The following ACVR1 variants were observed in gnomAD, a reference collection of about 807,000 sequenced individuals.
ACVR1 encodes activin receptor type-1.
ACVR1 carries 38 observed loss-of-function variants against 57.1 expected under a neutral mutation model. The observed-to-expected ratio is 0.67, with a 90% confidence interval of 0.51 to 0.87. ACVR1 has a LOEUF of 0.87. Among genes scored for constraint, ACVR1 ranks in the 40% least tolerant of loss-of-function variants. The pLI, the probability that ACVR1 is intolerant of heterozygous loss-of-function variation, is 0.00. For synonymous variants in ACVR1, 212 were observed against 228.1 expected (o/e 0.93, Z 0.63); for missense variants, 463 against 638.2 (o/e 0.73, Z 2.96).
intron 1 of ACVR1, among the ~76,000 whole-genome samples, chr2:157,870,473 C>T (rs756375812): frequency 6.6e-6 from 1 of 152,166 alleles, no homozygotes; most frequent in Non-Finnish European, 1.5e-5. Flanking sequence ...AAAAATCTCT[C>T]AAAAGAGGAG....
rs747858347 is a variant in ACVR1 at position 157,778,203 on chromosome 2, G to A, written c.471C>T (p.Leu157=). The A allele has an allele frequency of 3.7e-5, 59 of 1,614,094 alleles. No individual in the cohort carries two copies. The highest frequency in any genetic ancestry group is 4.9e-5 in the Non-Finnish European group (58 of 1,179,998). The stretch of plus-strand genomic sequence containing the variant: ...TGCCATACTCCACGTCTCGGGGATT[G>A]AGGCGTTCTTGGTTGCGCCTTTTAA... ...RKFKRRNQER[L]NPRDVEYGTI... The change falls in exon 5 of 11, where the codon CTC becomes CTT. Residue 157 remains leucine (L), a synonymous_variant. Coordinates refer to ENST00000434821, the MANE Select transcript of ACVR1 (RefSeq NM_001111067.4).
chr2:157,863,084 C>T (rs1218994967), intron 1 of ACVR1, among the ~76,000 whole-genome samples: 10 of 125,036 alleles, frequency 8.0e-5, no homozygotes, highest in Admixed American at 9.8e-5. Context: ...TGCGGTGGTG[C>T]GATCTCGGCT....
chr2:157,781,055 C>T (rs1054196585), intron 3 of ACVR1, among the ~76,000 whole-genome samples: 2 of 152,164 alleles, frequency 1.3e-5, no homozygotes, highest in African/African-American at 4.8e-5. Context: ...TTTTTGCTAG[C>T]TCTGTACAAA....
intron 9 of ACVR1, among the ~76,000 whole-genome samples, chr2:157,760,097 A>G (rs529123257): frequency 6.6e-6 from 1 of 152,334 alleles, no homozygotes; most frequent in South Asian, 2.1e-4. Context: ...TCCTAGGCAG[A>G]GCAATCAAGC....
chr2:157,844,053 A>T (rs532277547), intron 1 of ACVR1, among the ~76,000 whole-genome samples: 13 of 152,256 alleles, frequency 8.5e-5, no homozygotes, highest in Non-Finnish European at 1.9e-4. Context: ...TTCAAAGAGC[A>T]GCTGTGCTTA....
chr2:157,854,481 G>C (rs1689437891), intron 1 of ACVR1, among the ~76,000 whole-genome samples: 1 of 152,168 alleles, frequency 6.6e-6, no homozygotes, highest in Non-Finnish European at 1.5e-5. Context: ...CCAGCCCTTT[G>C]GGAGGCCGAG....
rs186913374 is a variant in ACVR1 at position 157,760,549 on chromosome 2, A to T, written c.1264+331T>A. ...ACTACATATTACATACATTTATCAA[A>T]ATATCACATGTACCCCATAAACGCA... is the stretch of plus-strand genomic sequence containing the variant. On this transcript the variant is annotated intron_variant, in intron 9 of 10. Coordinates refer to ENST00000434821, the MANE Select transcript of ACVR1 (RefSeq NM_001111067.4). Among the ~76,000 whole-genome samples, 3 of 152,222 alleles carry T rather than the reference A, an allele frequency of 2.0e-5. No individual in the cohort carries two copies. In the East Asian group the frequency reaches 5.8e-4, roughly 29 times the overall value.
At chr2:157,765,538 GTA>G (rs1395210979) in intron 8 of ACVR1, among the ~76,000 whole-genome samples, 1 of 152,018 alleles carries the variant, frequency 6.6e-6, no homozygotes, top group Non-Finnish European at 1.5e-5. Context: ...CTTAAGATTT[GTA>G]TATCTCACAG....
chr2:157,833,273 G>A (rs1261321913), intron 1 of ACVR1, among the ~76,000 whole-genome samples: 1 of 152,150 alleles, frequency 6.6e-6, no homozygotes, highest in Non-Finnish European at 1.5e-5. Context: ...ATATCCTGAT[G>A]TCCAGCATAT....
chr2:157,803,786 C>T (rs1687413010), intron 2 of ACVR1, among the ~76,000 whole-genome samples: 1 of 151,980 alleles, frequency 6.6e-6, no homozygotes, highest in Admixed American at 6.6e-5. Context: ...TCTTTAAACT[C>T]TTGAAAATTA....
intron 7 of ACVR1, among the ~76,000 whole-genome samples, chr2:157,767,680 A>T (rs1685917182): frequency 1.3e-5 from 2 of 152,098 alleles, no homozygotes; most frequent in African/African-American, 4.8e-5. Flanking sequence ...TTCTCATGAG[A>T]TTTTTCCCAA....
chr2:157,818,894 C>T (rs546437780), intron 1 of ACVR1, among the ~76,000 whole-genome samples: 17 of 151,418 alleles, frequency 1.1e-4, no homozygotes, highest in Admixed American at 6.6e-4. Context: ...CCGGCTAAAA[C>T]GGTGAAACCC....
chr2:157,768,775 C>T (rs929186395), intron 7 of ACVR1, among the ~76,000 whole-genome samples: 6 of 152,130 alleles, frequency 3.9e-5, no homozygotes, highest in Admixed American at 6.5e-5. Context: ...CACTATTTAA[C>T]CTCTCTGTAT....
At chr2:157,809,895 TG>T (rs1204117366) in intron 2 of ACVR1, among the ~76,000 whole-genome samples, 13 of 152,016 alleles carry the variant, frequency 8.6e-5, no homozygotes, top group Non-Finnish European at 2.9e-5. Flanking sequence ...GGCAACACAG[TG>T]AGACCCCATC....
chr2:157,872,235 T>C (rs556979092), intron 1 of ACVR1, among the ~76,000 whole-genome samples: 1 of 152,316 alleles, frequency 6.6e-6, no homozygotes, highest in South Asian at 2.1e-4. Context: ...ATTCTGCGGA[T>C]TCCAATTAAA....
chr2:157,855,300 G>GTATA (rs1689477965), intron 1 of ACVR1, among the ~76,000 whole-genome samples: 5 of 69,330 alleles, frequency 7.2e-5, no homozygotes, highest in African/African-American at 2.6e-4. Context: ...GTGTGTGTGT[G>GTATA]TGTGTGTGTA....
chr2:157,749,461 G>C (rs1458644491), intron 9 of ACVR1, among the ~76,000 whole-genome samples: 1 of 152,168 alleles, frequency 6.6e-6, no homozygotes, highest in African/African-American at 2.4e-5. Flanking sequence ...TTATAAATAA[G>C]TGACTTCTGA....
intron 9 of ACVR1, 30 bp from the exon 10 acceptor site, chr2:157,738,600 T>A: frequency 6.2e-7 from 1 of 1,613,908 alleles, no homozygotes; most frequent in Non-Finnish European, 8.5e-7. Flanking sequence ...TTGTGTTCGG[T>A]TAGCAAGAGA....
intron 1 of ACVR1, among the ~76,000 whole-genome samples, chr2:157,869,344 C>T (rs780241398): frequency 6.6e-6 from 1 of 152,106 alleles, no homozygotes; most frequent in Non-Finnish European, 1.5e-5. Flanking sequence ...AAAAAGAAAA[C>T]GAAAGTCTCA....
Sources: allele counts gnomAD v4.1 joint callset (sites outside exome capture counted in the v4.1 genomes callset), GRCh38; gene constraint gnomAD v4.1.1; transcripts MANE v1.5; gene names NCBI Gene and HGNC (gene_info 2026-07-23, HGNC 2026-07-21).